Variants in ALK observed in about 807,000 individuals in gnomAD.
The protein encoded by ALK is ALK tyrosine kinase receptor.
A neutral mutation model predicts 163.1 loss-of-function variants in ALK; 74 were observed. The ratio of observed to expected loss-of-function variants is 0.45; its 90% confidence interval spans 0.38 to 0.55. ALK has a LOEUF of 0.55. ALK is among the 20% of genes least tolerant of loss of function. ALK has a pLI of 0.00. For missense variants in ALK, 2,063 were observed against 2,105.3 expected (o/e 0.98, Z 0.39); for synonymous variants, 960 against 843.2 (o/e 1.14, Z -2.40).
At chr2:29,848,132 T>C (rs1665895075) in intron 1 of ALK, among the ~76,000 whole-genome samples, 1 of 152,080 alleles carries the variant, frequency 6.6e-6, no homozygotes, top group Non-Finnish European at 1.5e-5. Flanking sequence ...GCAGCGGGTG[T>C]GAATAGGTCT....
intron 5 of ALK, among the ~76,000 whole-genome samples, chr2:29,379,298 A>G (rs1314127317): frequency 6.6e-6 from 1 of 152,176 alleles, no homozygotes; most frequent in Non-Finnish European, 1.5e-5. Context: ...ATTTCTACTT[A>G]CAGCTACTTT....
intron 3 of ALK, among the ~76,000 whole-genome samples, chr2:29,651,667 A>G (rs554930429): frequency 6.6e-6 from 1 of 152,150 alleles, no homozygotes; most frequent in Non-Finnish European, 1.5e-5. Context: ...CGTCAGCCAC[A>G]GGGTATCCCT....
chr2:29,537,596 A>G (rs537817700), intron 3 of ALK, among the ~76,000 whole-genome samples: 1 of 152,354 alleles, frequency 6.6e-6, no homozygotes, highest in Admixed American at 6.5e-5. Flanking sequence ...TATCAAGGGA[A>G]AATGCGGGGT....
intron 4 of ALK, among the ~76,000 whole-genome samples, chr2:29,485,547 AT>A (rs1004557745): frequency 6.6e-6 from 1 of 152,236 alleles, no homozygotes; most frequent in African/African-American, 2.4e-5. Flanking sequence ...TCAGACTGGT[AT>A]AAAAATTTCT....
intron 1 of ALK, among the ~76,000 whole-genome samples, chr2:29,783,816 C>T (rs1010898472): frequency 2.0e-5 from 3 of 152,156 alleles, no homozygotes; most frequent in Non-Finnish European, 2.9e-5. Context: ...ACCCTCCCTC[C>T]CACGGTCACC....
intron 18 of ALK, among the ~76,000 whole-genome samples, chr2:29,226,183 A>G (rs1663980701): frequency 6.6e-6 from 1 of 152,098 alleles, no homozygotes; most frequent in Non-Finnish European, 1.5e-5. Context: ...AGAAGAGTTA[A>G]AGGAGGAGGA....
Position 29,551,611 on chromosome 2 carries a change from T to C in ALK, c.953-19495A>G, listed in dbSNP as rs948869758. Among the ~76,000 whole-genome samples, 9 of 152,148 alleles carry C rather than the reference T, an allele frequency of 5.9e-5. No individual in the cohort carries two copies. The South Asian group carries it at 6.2e-4, about 11-fold the overall frequency. On this transcript the variant is annotated intron_variant, in intron 3 of 28. Coordinates refer to ENST00000389048, the MANE Select transcript of ALK (RefSeq NM_004304.5). Reference sequence around the variant, plus strand: ...ACTTACATCCTTAACCACCATGCTGTATAAACAACTAGGAAGTTCATAAGC... The same window carrying C: ...ACTTACATCCTTAACCACCATGCTGCATAAACAACTAGGAAGTTCATAAGC...
intron 3 of ALK, among the ~76,000 whole-genome samples, chr2:29,535,713 T>C (rs1241376659): frequency 6.6e-6 from 1 of 152,184 alleles, no homozygotes; most frequent in Non-Finnish European, 1.5e-5. Context: ...ACTACCAACC[T>C]TCCTTGGTAA....
chr2:29,447,598 C>A (rs114560845), intron 4 of ALK, among the ~76,000 whole-genome samples: 5 of 152,294 alleles, frequency 3.3e-5, no homozygotes, highest in African/African-American at 1.2e-4. Flanking sequence ...ATCCTTCTCT[C>A]CACAGTCAGC....
intron 3 of ALK, among the ~76,000 whole-genome samples, chr2:29,649,007 G>A (rs1676963385): frequency 6.6e-6 from 1 of 152,106 alleles, no homozygotes; most frequent in Non-Finnish European, 1.5e-5. Context: ...TCCCCAAATT[G>A]CAGATGTTAA....
intron 1 of ALK, among the ~76,000 whole-genome samples, chr2:29,781,205 T>C (rs1681322384): frequency 6.6e-6 from 1 of 152,214 alleles, no homozygotes; most frequent in South Asian, 2.1e-4. Flanking sequence ...GCTCAACATC[T>C]GTCAGGGCTG....
chr2:29,356,336 C>T (rs1668244687), intron 5 of ALK, among the ~76,000 whole-genome samples: 1 of 152,130 alleles, frequency 6.6e-6, no homozygotes, highest in African/African-American at 2.4e-5. Flanking sequence ...AGAGAGGTTA[C>T]ATAACTTACT....
intron 2 of ALK, among the ~76,000 whole-genome samples, chr2:29,704,265 T>C (rs1678833132): frequency 6.6e-6 from 1 of 152,192 alleles, no homozygotes; most frequent in South Asian, 2.1e-4. Flanking sequence ...TCAAGGGAAC[T>C]CTCTCAGTGG....
At chr2:29,330,613 C>T (rs570895596) in intron 5 of ALK, among the ~76,000 whole-genome samples, 1 of 152,256 alleles carries the variant, frequency 6.6e-6, no homozygotes, top group African/African-American at 2.4e-5. Context: ...ATCCCTGGGG[C>T]CCGTGAAAAT....
At chr2:29,236,587 G>C (rs753362687) in intron 13 of ALK, among the ~76,000 whole-genome samples, 1 of 152,118 alleles carries the variant, frequency 6.6e-6, no homozygotes, top group Non-Finnish European at 1.5e-5. Context: ...AGATCAGGTG[G>C]GGGTGGGGAG....
chr2:29,619,232 G>A (rs564043976), intron 3 of ALK, among the ~76,000 whole-genome samples: 2 of 152,180 alleles, frequency 1.3e-5, no homozygotes, highest in South Asian at 2.1e-4. Context: ...TTGCACAGTG[G>A]AGAGCCCTGG....
intron 3 of ALK, among the ~76,000 whole-genome samples, chr2:29,615,930 C>G (rs1573501224): frequency 6.6e-6 from 1 of 152,226 alleles, no homozygotes; most frequent in African/African-American, 2.4e-5. Context: ...AACCCTCAGG[C>G]CTTTCAGTAG....
intron 4 of ALK, among the ~76,000 whole-genome samples, chr2:29,530,884 A>C (rs929722172): frequency 6.6e-6 from 1 of 152,242 alleles, no homozygotes; most frequent in Non-Finnish European, 1.5e-5. Context: ...TTTGATGTCA[A>C]GATTTCATTC....
intron 3 of ALK, among the ~76,000 whole-genome samples, chr2:29,620,190 G>C (rs540578132): frequency 6.6e-6 from 1 of 152,114 alleles, no homozygotes; most frequent in Non-Finnish European, 1.5e-5. Context: ...ACAACACAAC[G>C]GTGTTGCCTG....
Sources: allele counts gnomAD v4.1 joint callset (sites outside exome capture counted in the v4.1 genomes callset), GRCh38; gene constraint gnomAD v4.1.1; transcripts MANE v1.5; gene names NCBI Gene and HGNC (gene_info 2026-07-23, HGNC 2026-07-21).